The following TLE6 variants were observed in gnomAD, a reference collection of about 807,000 sequenced individuals.
TLE6 encodes transducin-like enhancer protein 6.
TLE6 carries 72 observed loss-of-function variants against 77.1 expected under a neutral mutation model. The ratio of observed to expected loss-of-function variants is 0.93; its 90% CI spans 0.77 to 1.14. TLE6 has a LOEUF of 1.14. Ranked by LOEUF, TLE6 falls within the 50% of genes most tolerant of loss-of-function variation. The pLI is 0.00. For missense variants in TLE6, 843 were observed against 747.6 expected (o/e 1.13, Z -1.49); for synonymous variants, 366 against 287.3 (o/e 1.27, Z -2.77).
At chr19:2,992,845 G>A (rs1189629506) in intron 14 of TLE6, among the ~76,000 whole-genome samples, 3 of 132,948 alleles carry the variant, frequency 2.3e-5, no homozygotes, top group Non-Finnish European at 4.8e-5. Context: ...AAGGAAAAAA[G>A]GTAGTGGTTC....
intron 5 of TLE6, among the ~76,000 whole-genome samples, chr19:2,986,183 TG>T (rs1272213223): frequency 2.1e-5 from 3 of 140,334 alleles, no homozygotes; most frequent in Admixed American, 7.4e-5. Context: ...GAGGCACACG[TG>T]GGAGGATAGT....
chr19:2,994,899 G>A lies in TLE6; in HGVS notation c.1615-1G>A. On this transcript the variant is annotated splice_acceptor_variant, in intron 16 of 16. Transcript: ENST00000246112. LOFTEE classifies it high-confidence loss of function. ...CTCACTGCCCACTGCCCCCCCTCCAGGTGCCTGAGATGTCTCCAGTCACGT... is the reference window on the plus strand; with the variant it reads ...CTCACTGCCCACTGCCCCCCCTCCAAGTGCCTGAGATGTCTCCAGTCACGT... 1.9e-6 allele frequency: 3 copies of A among 1,590,346 alleles called. No individual in the cohort carries two copies. Among genetic ancestry groups the A allele is most frequent in the Middle Eastern group, 3.3e-4 (2 of 5,984 alleles).
chr19:2,995,119 C>A lies in TLE6; in HGVS notation c.*115C>A. On this transcript the variant is annotated 3_prime_UTR_variant, in exon 17 of 17. Coordinates refer to ENST00000246112, the MANE Select transcript of TLE6 (RefSeq NM_001143986.2). ...GGGAAGGCTCTTCTGTGGCATCGCA[C>A]GATCTAGTCTGTGGTGTAGACTGGT... 2 of 669,950 alleles carry A rather than the reference C, an allele frequency of 3.0e-6. 1 individual carries two copies. The highest frequency in any genetic ancestry group is 3.5e-5 in the South Asian group (2 of 56,530). 41.5% of individuals were successfully genotyped at this position (669,950 alleles called of 1,614,324 possible).
At chr19:2,994,120 AC>A in intron 16 of TLE6, 25 bp downstream of exon 16, 1 of 1,581,540 alleles carries the variant, frequency 6.3e-7, no homozygotes, top group African/African-American at 1.3e-5. Context: ...TGGGGGCAGG[AC>A]CCGGGGGTGG....
intron 13 of TLE6, among the ~76,000 whole-genome samples, chr19:2,990,528 C>T (rs1004827189): frequency 3.3e-5 from 5 of 149,746 alleles, no homozygotes; most frequent in South Asian, 2.1e-4. Context: ...CCCTTGAACC[C>T]GGGAGGCGGA....
At chr19:2,981,753 C>A (rs186122404) in intron 4 of TLE6, among the ~76,000 whole-genome samples, 170 bp downstream of exon 4, 2 of 151,888 alleles carry the variant, frequency 1.3e-5, no homozygotes, top group Admixed American at 1.3e-4. Flanking sequence ...GGTGGATCAC[C>A]TGAGGTCAGG....
chr19:2,989,946 T>G lies in TLE6; in HGVS notation c.1244+161T>G, dbSNP rs112845137. On this transcript the variant is annotated intron_variant, in intron 13 of 16. Transcript: ENST00000246112. ...ACCCCTTGCCCCCTTGAACTTGGAT[T>G]TGAGAAAGTTTAGAGGTGCGGACTT... Among the ~76,000 whole-genome samples the G allele has an allele frequency of 1.6e-3, 201 of 128,134 alleles. 1 individual carries two copies. Among genetic ancestry groups the G allele is most frequent in the African/African-American group, 7.4e-3 (190 of 25,722 alleles). 84.1% of individuals were successfully genotyped at this position (128,134 alleles called of 152,430 possible).
At chr19:2,985,034 T>C (rs1453919483) in intron 5 of TLE6, among the ~76,000 whole-genome samples, 1 of 151,720 alleles carries the variant, frequency 6.6e-6, no homozygotes, top group South Asian at 2.1e-4. Context: ...GCAGATCACC[T>C]GACGTCAGGA....
chr19:2,986,533 G>C (rs1361450516), intron 5 of TLE6, among the ~76,000 whole-genome samples: 1 of 151,824 alleles, frequency 6.6e-6, no homozygotes, highest in African/African-American at 2.4e-5. Flanking sequence ...GGCCAACATG[G>C]TGAAACCCCA....
chr19:2,981,493 G>T, intron 3 of TLE6, 45 bp from the exon 4 acceptor site: 1 of 1,548,346 alleles, frequency 6.5e-7, no homozygotes, highest in South Asian at 1.2e-5. Flanking sequence ...TGGGGAGGGA[G>T]TCCTGAAGCC....
At chr19:2,983,196 C>T (rs1211241017) in intron 5 of TLE6, among the ~76,000 whole-genome samples, 1 of 152,138 alleles carries the variant, frequency 6.6e-6, no homozygotes, top group Non-Finnish European at 1.5e-5. Flanking sequence ...GCAACCAAAA[C>T]ATGGTTATTC....
chr19:2,991,027 TAC>T (rs1568217618), intron 13 of TLE6, among the ~76,000 whole-genome samples: 18 of 134,182 alleles, frequency 1.3e-4, no homozygotes, highest in Non-Finnish European at 1.9e-4. Flanking sequence ...CATACATACA[TAC>T]ATACATACAT....
chr19:2,993,563 C>G lies in TLE6; in HGVS notation c.1518C>G (p.Ser506Arg), dbSNP rs146879140. The G allele has an allele frequency of 6.4e-7, 1 of 1,573,604 alleles. No homozygotes were observed. Among genetic ancestry groups the G allele is most frequent in the Non-Finnish European group, 8.7e-7 (1 of 1,152,970 alleles). ...MVGQKDSVIL[S>R]VKFSPFGQWW... is the part of the protein sequence containing the mutation. ...GGCAAAAAGACAGCGTCATCCTGAG[C>G]GTCAAGTTCTCCCCCTTTGGTAAGC... The change falls in exon 15 of 17, where the codon AGC (serine) becomes AGG (arginine). Residue 506 changes from serine to arginine, a missense_variant. Ser to Arg is a moderately radical substitution (Grantham distance 110, BLOSUM62 -1). Transcript: ENST00000246112.
At position 2,995,054 on chromosome 19, in the gene TLE6, C is replaced by CG; in HGVS notation, c.*50_*51insG. ...TCCGGCTCCTCTTTTCATCCCCCCCCTTCCCCCCCCCCAACAAGGGGGACA... is the reference window on the plus strand; with the variant it reads ...TCCGGCTCCTCTTTTCATCCCCCCCCGTTCCCCCCCCCCAACAAGGGGGACA... On this transcript the variant is annotated 3_prime_UTR_variant, in exon 17 of 17. Transcript: ENST00000246112. 8 of 1,051,820 alleles carry CG rather than the reference C, an allele frequency of 7.6e-6. No homozygotes were observed. The highest frequency in any genetic ancestry group is 2.2e-5 in the African/African-American group (1 of 45,708). The allele number at this position is 1,051,820 out of a possible 1,614,324, so 65.2% of individuals were successfully genotyped here. A position where few individuals can be genotyped will look rare whatever the true frequency, so the allele number is the denominator to read the frequency against.
Position 2,986,888 on chromosome 19 carries a change from G to A in TLE6, c.282G>A (p.Glu94=), listed in dbSNP as rs1439119201. 8.4e-6 allele frequency: 13 copies of A among 1,551,876 alleles called. No individual in the cohort carries two copies. Among genetic ancestry groups the A allele is most frequent in the Non-Finnish European group, 8.7e-6 (10 of 1,147,052 alleles). ...GCCAACTCCAGGGTTTCCAGTCTGA[G>A]GAGGTGAGTTTCTGGGTCTTCAAGG... ...SCSQLQGFQS[E]EVSPAEPASP... The change falls in exon 6 of 17, where the codon GAG becomes GAA. Residue 94 remains glutamate (E), a synonymous_variant. Coordinates refer to ENST00000246112, the MANE Select transcript of TLE6 (RefSeq NM_001143986.2).
At chr19:2,981,737 G>A (rs1285907495) in intron 4 of TLE6, among the ~76,000 whole-genome samples, 154 bp downstream of exon 4, 2 of 152,118 alleles carry the variant, frequency 1.3e-5, no homozygotes, top group East Asian at 1.9e-4. Flanking sequence ...ATGGGAGGGC[G>A]AGGCAGGTGG....
rs2089184067 is a variant in TLE6, at chr19:2,995,065, C to CCA, written c.*62_*63dup. 9.8e-7 allele frequency: 1 copy of CCA among 1,025,532 alleles called. No individual in the cohort carries two copies. The highest frequency in any genetic ancestry group is 1.4e-5 in the South Asian group (1 of 70,590). The allele number at this position is 1,025,532 out of a possible 1,614,324, so 63.5% of individuals were successfully genotyped here. A position where few individuals can be genotyped will look rare whatever the true frequency, so the allele number is the denominator to read the frequency against. On this transcript the variant is annotated 3_prime_UTR_variant, in exon 17 of 17. Transcript: ENST00000246112. ...TTTTCATCCCCCCCCTTCCCCCCCC[C>CCA]CAACAAGGGGGACATGGTGGAGGGA...
chr19:2,994,636 T>G (rs553215856), intron 16 of TLE6, among the ~76,000 whole-genome samples: 1 of 129,104 alleles, frequency 7.7e-6, no homozygotes, highest in Admixed American at 7.2e-5. Context: ...AAAAACACTT[T>G]TAAAATTAAA....
intron 5 of TLE6, chr19:2,984,265 C>T (rs938076426): frequency 6.6e-6 from 1 of 152,162 alleles, no homozygotes; most frequent in African/African-American, 2.4e-5. Context: ...GAGGGCTCCC[C>T]TGGGATTTGC....
Sources: gnomAD v4.1 joint callset for allele counts (sites outside exome capture counted in the v4.1 genomes callset) on GRCh38, gnomAD v4.1.1 for gene constraint, MANE v1.5 for transcripts, NCBI Gene and HGNC (gene_info 2026-07-23, HGNC 2026-07-21) for gene names.